NDRG3: variants seen among roughly 807,000 people sequenced by gnomAD.
NDRG3 encodes the protein protein NDRG3.
A neutral mutation model predicts 57.2 loss-of-function variants in NDRG3; 23 were observed. The ratio of observed to expected loss-of-function variants is 0.40; its 90% CI spans 0.29 to 0.57. The LOEUF is 0.57. NDRG3 is among the 20% of genes least tolerant of loss of function. The pLI, the probability that NDRG3 is intolerant of heterozygous loss-of-function variation, is 0.42. For missense variants in NDRG3, 384 were observed against 457.3 expected (o/e 0.84, Z 1.46); for synonymous variants, 132 against 162.6 (o/e 0.81, Z 1.43).
chr20:36,731,143 T>G (rs1985262844), intron 1 of NDRG3, among the ~76,000 whole-genome samples: 1 of 151,666 alleles, frequency 6.6e-6, no homozygotes, highest in South Asian at 2.1e-4. Flanking sequence ...TGAGCACAGG[T>G]GGGAGTGAGA....
chr20:36,679,888 G>C (rs985332828), intron 8 of NDRG3, among the ~76,000 whole-genome samples: 4 of 150,100 alleles, frequency 2.7e-5, no homozygotes, highest in Non-Finnish European at 4.4e-5. Flanking sequence ...GCAATGGCAC[G>C]ATCTTAGCTC....
chr20:36,702,215 C>A (rs939781740), intron 3 of NDRG3, among the ~76,000 whole-genome samples: 2 of 152,030 alleles, frequency 1.3e-5, no homozygotes, highest in South Asian at 4.1e-4. Flanking sequence ...TGGTTCACTG[C>A]AAGCTCCGCC....
At chr20:36,674,592 A>C (rs1421903453) in intron 8 of NDRG3, among the ~76,000 whole-genome samples, 6 of 148,082 alleles carry the variant, frequency 4.1e-5, no homozygotes, top group Admixed American at 2.0e-4. Context: ...AGTATCAATA[A>C]AGCTTTTTTT....
intron 12 of NDRG3, among the ~76,000 whole-genome samples, chr20:36,662,423 G>A (rs1979287902): frequency 6.6e-6 from 1 of 151,920 alleles, no homozygotes; most frequent in South Asian, 2.1e-4. Flanking sequence ...TCGCCATGTT[G>A]GCCAGGCTGG....
At chr20:36,717,910 A>C (rs751556907) in intron 2 of NDRG3, among the ~76,000 whole-genome samples, 3 of 152,230 alleles carry the variant, frequency 2.0e-5, no homozygotes, top group Non-Finnish European at 4.4e-5. Context: ...GCTGCTAAAC[A>C]TTCTACAATG....
At chr20:36,734,677 A>AT (rs902370947) in intron 1 of NDRG3, among the ~76,000 whole-genome samples, 4 of 151,968 alleles carry the variant, frequency 2.6e-5, no homozygotes, top group Non-Finnish European at 5.9e-5. Flanking sequence ...AGGCCAGATG[A>AT]TTTTTTGTTG....
intron 13 of NDRG3, among the ~76,000 whole-genome samples, chr20:36,658,524 T>G (rs1255566398): frequency 6.6e-6 from 1 of 152,212 alleles, no homozygotes; most frequent in Admixed American, 6.5e-5. Flanking sequence ...ACTACAGGCG[T>G]TTGTGGTAAC....
At chr20:36,740,450 G>A (rs531574258) in intron 1 of NDRG3, among the ~76,000 whole-genome samples, 2 of 152,224 alleles carry the variant, frequency 1.3e-5, no homozygotes, top group South Asian at 4.1e-4. Flanking sequence ...GGGTTCAAGC[G>A]ATTCTCCTGC....
intron 3 of NDRG3, among the ~76,000 whole-genome samples, chr20:36,695,890 C>T (rs530515098): frequency 6.6e-6 from 1 of 152,230 alleles, no homozygotes; most frequent in Non-Finnish European, 1.5e-5. Context: ...CTTTGAAAAT[C>T]GCTAATAAAA....
intron 13 of NDRG3, among the ~76,000 whole-genome samples, chr20:36,659,811 G>T (rs913476463): frequency 7.9e-5 from 12 of 151,624 alleles, no homozygotes; most frequent in Non-Finnish European, 1.5e-4. Context: ...ATATTGGCTA[G>T]GCTGGTCTCA....
At chr20:36,675,970 G>A (rs967580381) in intron 8 of NDRG3, among the ~76,000 whole-genome samples, 1 of 152,174 alleles carries the variant, frequency 6.6e-6, no homozygotes, top group Non-Finnish European at 1.5e-5. Context: ...GCTGGGCGCG[G>A]TGGCTCACGC....
intron 5 of NDRG3, among the ~76,000 whole-genome samples, chr20:36,686,026 G>C (rs1225285357): frequency 6.6e-6 from 1 of 152,082 alleles, no homozygotes; most frequent in Non-Finnish European, 1.5e-5. Flanking sequence ...GAAAGAAAAA[G>C]TATTACAGAA....
At chr20:36,702,088 C>A (rs1983264555) in intron 3 of NDRG3, among the ~76,000 whole-genome samples, 1 of 152,084 alleles carries the variant, frequency 6.6e-6, no homozygotes, top group Admixed American at 6.6e-5. Context: ...CTCTTTCTGG[C>A]TAGTCTGAAC....
At chr20:36,721,883 T>C (rs999287873) in intron 1 of NDRG3, 100 bp from the exon 2 acceptor site, 6 of 602,834 alleles carry the variant, frequency 1.0e-5, no homozygotes, top group African/African-American at 5.6e-5. Context: ...AGACTTACTC[T>C]GTGCCATGCC....
At chr20:36,721,817 C>T (rs1984611708) in intron 1 of NDRG3, 34 bp from the exon 2 acceptor site, 6 of 1,005,494 alleles carry the variant, frequency 6.0e-6, no homozygotes, top group Admixed American at 2.1e-5. Context: ...AAGAAAAAGG[C>T]TTAAGCCAGA....
chr20:36,655,968 T>C (rs1839921754), intron 15 of NDRG3, among the ~76,000 whole-genome samples: 1 of 151,956 alleles, frequency 6.6e-6, no homozygotes, highest in Admixed American at 6.6e-5. Context: ...TCTCCGTCTC[T>C]CCTAAAAATA....
At chr20:36,669,076 G>A (rs1230576752) in intron 9 of NDRG3, among the ~76,000 whole-genome samples, 1 of 149,926 alleles carries the variant, frequency 6.7e-6, no homozygotes, top group East Asian at 1.9e-4. Flanking sequence ...TTTTTTTTGA[G>A]ACAGAGTTTC....
intron 9 of NDRG3, among the ~76,000 whole-genome samples, chr20:36,667,124 A>G (rs1196847411): frequency 1.3e-5 from 2 of 152,204 alleles, no homozygotes; most frequent in Non-Finnish European, 2.9e-5. Flanking sequence ...ATCTTTAATA[A>G]CCATAAATCT....
chr20:36,680,923 A>G (rs370580498), intron 7 of NDRG3, 21 bp from the exon 8 acceptor site: 7 of 1,599,080 alleles, frequency 4.4e-6, no homozygotes, highest in Non-Finnish European at 6.0e-6. Context: ...AGGCAAAGAC[A>G]ATAGTATGAA....
Sources: gnomAD v4.1 joint callset for allele counts (sites outside exome capture counted in the v4.1 genomes callset) on GRCh38, gnomAD v4.1.1 for gene constraint, MANE v1.5 for transcripts, NCBI Gene and HGNC (gene_info 2026-07-23, HGNC 2026-07-21) for gene names.